RELCH: variants seen among roughly 807,000 people sequenced by gnomAD.
RELCH encodes the protein RAB11-binding protein RELCH.
Under a neutral mutation model 150.3 loss-of-function variants are expected in RELCH, and 41 were observed. The observed-to-expected ratio is 0.27, with a 90% CI of 0.21 to 0.35. The LOEUF (loss-of-function observed/expected upper bound fraction) is 0.35, where lower values mean the gene tolerates loss of function less well. Ranked by LOEUF, RELCH falls within the 10% of genes least tolerant of loss-of-function variation. The probability of loss-of-function intolerance (pLI) is 1.00; values close to 1 mark genes in which losing one functional copy is unlikely to be tolerated. For synonymous variants in RELCH, 478 were observed against 531.8 expected (o/e 0.90, Z 1.39); for missense variants, 1,092 against 1,467.8 (o/e 0.74, Z 4.18).
At chr18:62,269,452 A>G (rs1445430315) in intron 20 of RELCH, 2 of 415,930 alleles carry the variant, frequency 4.8e-6, no homozygotes, top group Non-Finnish European at 9.8e-6. Flanking sequence ...TATCTTGGGA[A>G]TGGGACCCAA....
chr18:62,205,832 C>T (rs959750845), intron 1 of RELCH, among the ~76,000 whole-genome samples: 2 of 152,062 alleles, frequency 1.3e-5, no homozygotes, highest in African/African-American at 4.8e-5. Context: ...TGAGACCAGC[C>T]AGAGCAACAT....
intron 14 of RELCH, 95 bp from the exon 15 acceptor site, chr18:62,258,417 T>G: frequency 9.0e-7 from 1 of 1,116,936 alleles, no homozygotes; most frequent in Non-Finnish European, 1.3e-6. Context: ...AAAAATATGT[T>G]CTTAATTTAT....
At chr18:62,271,240 C>G (rs938931229) in intron 20 of RELCH, among the ~76,000 whole-genome samples, 2 of 152,184 alleles carry the variant, frequency 1.3e-5, no homozygotes, top group African/African-American at 4.8e-5. Context: ...TTTCCACATC[C>G]TCTCCAGCAC....
At chr18:62,262,007 A>G (rs180994406) in intron 16 of RELCH, among the ~76,000 whole-genome samples, 121 of 152,062 alleles carry the variant, frequency 8.0e-4, no homozygotes, top group Non-Finnish European at 1.6e-3. Context: ...GTGCCAGTAT[A>G]TGAAGCTTGT....
intron 2 of RELCH, 163 bp from the exon 3 acceptor site, chr18:62,220,874 C>A: frequency 1.5e-6 from 1 of 659,518 alleles, no homozygotes; most frequent in Non-Finnish European, 2.7e-6. Context: ...TGCAAATCAA[C>A]TCTGCTGCAT....
At chr18:62,265,375 A>C (rs1236099383) in intron 18 of RELCH, among the ~76,000 whole-genome samples, 1 of 152,020 alleles carries the variant, frequency 6.6e-6, no homozygotes, top group Admixed American at 6.6e-5. Flanking sequence ...ACATTTGCCT[A>C]TCCAGGTTAT....
intron 25 of RELCH, among the ~76,000 whole-genome samples, chr18:62,283,164 A>G (rs1381439826): frequency 1.3e-5 from 2 of 152,172 alleles, no homozygotes; most frequent in Non-Finnish European, 2.9e-5. Context: ...ACATGTTCTT[A>G]TGAAAAACAG....
In RELCH at chr18:62,264,825, A is replaced by G; in HGVS notation, c.2604A>G (p.Thr868=). 1.2e-6 allele frequency: 2 copies of G among 1,608,394 alleles called. No homozygotes were observed. Among genetic ancestry groups the G allele is most frequent in the Admixed American group, 1.7e-5 (1 of 59,092 alleles). The change falls in exon 18 of 29, where the codon ACA becomes ACG. Residue 868 remains threonine (T), a synonymous_variant. Transcript: ENST00000644646. ...GATTTTTCTGGCGCCTTTGCCGGAC[A>G]TTTGGCAAAATTTTTACAAACACTA... ...FSRFFWRLCR[T]FGKIFTNTKV...
intron 20 of RELCH, among the ~76,000 whole-genome samples, chr18:62,272,904 G>A (rs2043985409): frequency 6.6e-6 from 1 of 151,812 alleles, no homozygotes. Context: ...CACCATTCCA[G>A]CGTTGTCCTG....
Position 62,187,544 on chromosome 18 carries a change from C to T in RELCH, c.39C>T (p.Gly13=). 1.3e-6 allele frequency: 2 copies of T among 1,514,476 alleles called. No homozygotes were observed. The highest frequency in any genetic ancestry group is 8.8e-7 in the Non-Finnish European group (1 of 1,131,008). The allele number at this position is 1,514,476 out of a possible 1,614,324, so 93.8% of individuals were successfully genotyped here. A position where few individuals can be genotyped will look rare whatever the true frequency, so the allele number is the denominator to read the frequency against. ...CGCCTGGAGGTAGTGGCAGTGGTGGCGGCGTGAATCCATTTCTCAGTGATT... is the reference window on the plus strand; with the variant it reads ...CGCCTGGAGGTAGTGGCAGTGGTGGTGGCGTGAATCCATTTCTCAGTGATT... ...AMAPGGSGSG[G]GVNPFLSDSD... is the part of the protein sequence containing the mutation. The change falls in exon 1 of 29, where the codon GGC becomes GGT. Residue 13 remains glycine, a synonymous_variant. Transcript: ENST00000644646.
intron 1 of RELCH, among the ~76,000 whole-genome samples, chr18:62,204,697 G>C (rs2039672975): frequency 6.6e-6 from 1 of 152,084 alleles, no homozygotes; most frequent in Non-Finnish European, 1.5e-5. Flanking sequence ...GTTTATTCCA[G>C]TTTAGCATTT....
rs1398553527 is a variant in RELCH, at chr18:62,259,162, T to C, written c.2202+486T>C. On this transcript the variant is annotated intron_variant, in intron 15 of 28. Transcript: ENST00000644646. ...AATTAAAGAAATGTTGATGGAACAA[T>C]AGAAACTTCTTGATCTAATTTTTGT... Among the ~76,000 whole-genome samples the C allele has an allele frequency of 3.3e-5, 5 of 152,104 alleles. No individual in the cohort carries two copies. In the East Asian group the frequency reaches 7.7e-4, roughly 24 times the overall value.
Position 62,205,307 on chromosome 18 carries a change from C to T in RELCH, c.527-5846C>T, listed in dbSNP as rs561302969. Among the ~76,000 whole-genome samples, 51 of 152,202 alleles carry T rather than the reference C, an allele frequency of 3.4e-4. No homozygotes were observed. In the South Asian group the frequency reaches 0.01, roughly 31 times the overall value. On this transcript the variant is annotated intron_variant, in intron 1 of 28. Coordinates refer to ENST00000644646, the MANE Select transcript of RELCH (RefSeq NM_001346231.2). ...AACAAAGAATGTACCTGTAGTAACC[C>T]AAACTCATATTATATATACAATATT...
intron 1 of RELCH, among the ~76,000 whole-genome samples, chr18:62,198,806 A>G (rs1403563532): frequency 6.6e-6 from 1 of 152,102 alleles, no homozygotes; most frequent in African/African-American, 2.4e-5. Context: ...AAAAAAATAT[A>G]TATTACAGAA....
At chr18:62,205,101 CCAT>C (rs2039694267) in intron 1 of RELCH, among the ~76,000 whole-genome samples, 1 of 152,178 alleles carries the variant, frequency 6.6e-6, no homozygotes, top group Non-Finnish European at 1.5e-5. Context: ...AGCCATTTCT[CCAT>C]CAACAGTACA....
chr18:62,300,873 A>G (rs1275945592), intron 28 of RELCH: 3 of 152,370 alleles, frequency 2.0e-5, no homozygotes, highest in African/African-American at 7.2e-5. Flanking sequence ...AAATGTATGC[A>G]TAACTATTTT....
At chr18:62,194,075 G>T (rs999714328) in intron 1 of RELCH, among the ~76,000 whole-genome samples, 1 of 151,912 alleles carries the variant, frequency 6.6e-6, no homozygotes. Context: ...ACAAAACTCC[G>T]TCACTACAAA....
At chr18:62,274,635 G>C (rs1014160300) in intron 21 of RELCH, among the ~76,000 whole-genome samples, 11 of 152,236 alleles carry the variant, frequency 7.2e-5, no homozygotes, top group Admixed American at 3.9e-4. Context: ...ACAACCATGT[G>C]ACATACATAG....
chr18:62,230,299 A>G (rs2041489248), intron 8 of RELCH, among the ~76,000 whole-genome samples: 1 of 151,954 alleles, frequency 6.6e-6, no homozygotes, highest in Non-Finnish European at 1.5e-5. Context: ...CCCATCTCAA[A>G]AAAAAGGATC....
Sources: gnomAD v4.1 joint callset for allele counts (sites outside exome capture counted in the v4.1 genomes callset) on GRCh38, gnomAD v4.1.1 for gene constraint, MANE v1.5 for transcripts, NCBI Gene and HGNC (gene_info 2026-07-23, HGNC 2026-07-21) for gene names.